MAL2: variants seen among roughly 807,000 people sequenced by gnomAD.
MAL2 encodes protein MAL2.
A neutral mutation model predicts 18.1 loss-of-function variants in MAL2; 17 were observed. That is an observed-to-expected ratio of 0.94 (90% CI 0.64 to 1.41). The LOEUF (loss-of-function observed/expected upper bound fraction) is 1.41. Among genes scored for constraint, MAL2 ranks in the 40% most tolerant of loss-of-function variants. The pLI is 0.00. For synonymous variants in MAL2, 102 were observed against 102.3 expected (o/e 1.00, Z 0.02); for missense variants, 222 against 231.9 (o/e 0.96, Z 0.28).
intron 2 of MAL2, among the ~76,000 whole-genome samples, chr8:119,239,240 A>T (rs1817991112): frequency 1.3e-5 from 2 of 152,212 alleles, no homozygotes; most frequent in African/African-American, 2.4e-5. Context: ...ATCTCATACC[A>T]GTTAGAATGG....
Position 119,243,719 on chromosome 8 carries a change from C to T in MAL2, c.*231C>T, listed in dbSNP as rs1195294065. On this transcript the variant is annotated 3_prime_UTR_variant, in exon 4 of 4. Transcript: ENST00000614891. ...CATCTCTCCCCTTTTTCCCTTTCCC[C>T]CTTTATTTTCCTCCTTTTCTTTCTG... is the stretch of plus-strand genomic sequence containing the variant. 2.8e-5 allele frequency: 10 copies of T among 363,150 alleles called. No homozygotes were observed. The highest frequency in any genetic ancestry group is 2.0e-5 in the Non-Finnish European group (4 of 203,846). 22.5% of individuals were successfully genotyped at this position (363,150 alleles called of 1,614,324 possible). A position where few individuals can be genotyped will look rare whatever the true frequency, so the allele number is the denominator to read the frequency against.
intron 1 of MAL2, among the ~76,000 whole-genome samples, chr8:119,212,661 C>T (rs1226540626): frequency 6.6e-6 from 1 of 152,126 alleles, no homozygotes; most frequent in Non-Finnish European, 1.5e-5. Context: ...GAACAGGCAG[C>T]TTTAATGAGG....
intron 2 of MAL2, among the ~76,000 whole-genome samples, chr8:119,235,160 A>G (rs1045603718): frequency 6.6e-6 from 1 of 152,228 alleles, no homozygotes; most frequent in African/African-American, 2.4e-5. Flanking sequence ...TATGTGAAGA[A>G]TGCAGAAGCC....
intron 2 of MAL2, among the ~76,000 whole-genome samples, chr8:119,239,468 C>T (rs1438669628): frequency 1.3e-5 from 2 of 152,016 alleles, no homozygotes; most frequent in Non-Finnish European, 1.5e-5. Context: ...GACACATGCA[C>T]ATGTATGTTT....
chr8:119,212,271 A>G (rs556758546), intron 1 of MAL2, among the ~76,000 whole-genome samples: 1 of 152,356 alleles, frequency 6.6e-6, no homozygotes, highest in African/African-American at 2.4e-5. Context: ...GAATACAGAT[A>G]ATCATTGAAT....
intron 2 of MAL2, among the ~76,000 whole-genome samples, chr8:119,236,306 G>A (rs1263271175): frequency 7.9e-5 from 11 of 139,526 alleles, no homozygotes; most frequent in African/African-American, 3.4e-4. Context: ...AGTCCTGAGT[G>A]ACCTACAAAG....
chr8:119,228,303 CT>C (rs1250119378), intron 2 of MAL2, among the ~76,000 whole-genome samples: 1 of 152,064 alleles, frequency 6.6e-6, no homozygotes, highest in Non-Finnish European at 1.5e-5. Context: ...GTCCTTGTCC[CT>C]TTGGGGACAA....
chr8:119,235,795 A>G (rs1192305965), intron 2 of MAL2, among the ~76,000 whole-genome samples: 6 of 145,734 alleles, frequency 4.1e-5, no homozygotes, highest in Admixed American at 6.8e-5. Flanking sequence ...TGAAGGAAGC[A>G]CTAAACATGG....
intron 2 of MAL2, among the ~76,000 whole-genome samples, chr8:119,230,100 CTACCAGGTCTAG>C (rs1817685414): frequency 6.6e-6 from 1 of 152,218 alleles, no homozygotes; most frequent in Non-Finnish European, 1.5e-5. Flanking sequence ...TGTTTCTTCT[CTACCAGGTCTAG>C]TACCAGGAGC....
At chr8:119,241,093 A>G (rs180882838) in intron 3 of MAL2, among the ~76,000 whole-genome samples, 14 of 152,328 alleles carry the variant, frequency 9.2e-5, no homozygotes, top group African/African-American at 2.2e-4. Context: ...GGTAGCCTAT[A>G]AATAACCCAG....
intron 2 of MAL2, among the ~76,000 whole-genome samples, chr8:119,237,200 C>T (rs199818899): frequency 4.0e-5 from 6 of 150,340 alleles, no homozygotes; most frequent in Admixed American, 6.6e-5. Context: ...GAAATGGATA[C>T]ATTCCTCGAC....
intron 2 of MAL2, among the ~76,000 whole-genome samples, chr8:119,228,303 CTTTGGGGA>C (rs1195621456): frequency 2.6e-5 from 4 of 152,182 alleles, no homozygotes; most frequent in Admixed American, 2.0e-4. Flanking sequence ...GTCCTTGTCC[CTTTGGGGA>C]CAAGGACCCC....
intron 2 of MAL2, among the ~76,000 whole-genome samples, chr8:119,231,098 C>A (rs189567755): frequency 6.6e-6 from 1 of 152,204 alleles, no homozygotes; most frequent in Admixed American, 6.5e-5. Context: ...CTGATGCAGT[C>A]TTGGCTCACT....
chr8:119,208,797 A>T lies in MAL2; in HGVS notation c.132+193A>T. On this transcript the variant is annotated intron_variant, in intron 1 of 3. Coordinates refer to ENST00000614891, the MANE Select transcript of MAL2 (RefSeq NM_052886.3). This position sits in a 1 kb window ranked among gnomAD's most constrained non-coding sequence, Gnocchi z 4.3. ...CGGGCCCTCCCTCCTAGCACCTGTTACGCGGGCACCTGCTCCCCCGCGGGC... is the reference window on the plus strand; with the variant it reads ...CGGGCCCTCCCTCCTAGCACCTGTTTCGCGGGCACCTGCTCCCCCGCGGGC... The T allele has an allele frequency of 1.1e-6, 1 of 886,624 alleles. No homozygotes were observed. The highest frequency in any genetic ancestry group is 1.5e-6 in the Non-Finnish European group (1 of 680,220). 54.9% of individuals were successfully genotyped at this position (886,624 alleles called of 1,614,324 possible).
At chr8:119,220,811 C>CA (rs1190365406) in intron 1 of MAL2, among the ~76,000 whole-genome samples, 2 of 152,202 alleles carry the variant, frequency 1.3e-5, no homozygotes, top group Non-Finnish European at 2.9e-5. Context: ...TGTGGACCTG[C>CA]AGTGCCCAGT....
intron 1 of MAL2, among the ~76,000 whole-genome samples, chr8:119,218,868 A>G (rs1817408968): frequency 6.6e-6 from 1 of 152,214 alleles, no homozygotes; most frequent in African/African-American, 2.4e-5. Context: ...ATTTGCACAT[A>G]GGTTCTCAGG....
At chr8:119,235,350 A>G (rs1817858480) in intron 2 of MAL2, among the ~76,000 whole-genome samples, 1 of 152,180 alleles carries the variant, frequency 6.6e-6, no homozygotes. Flanking sequence ...TGATGGGGAG[A>G]ATGGAACCAA....
At chr8:119,210,737 T>TA (rs1187893270) in intron 1 of MAL2, among the ~76,000 whole-genome samples, 1 of 152,200 alleles carries the variant, frequency 6.6e-6, no homozygotes, top group East Asian at 1.9e-4. Flanking sequence ...TCTGGCTTCT[T>TA]ACATCCTGAA....
In MAL2 at chr8:119,243,994, A is replaced by G. The variant is rs997462786; in HGVS notation, c.*506A>G. On this transcript the variant is annotated 3_prime_UTR_variant, in exon 4 of 4. Transcript: ENST00000614891. ...CACGGTCCATACAGTCTCTGTCACA[A>G]CTATTCAGTTCTGCTAGTATAGCGT... The G allele has an allele frequency of 4.6e-5, 7 of 152,296 alleles. No individual in the cohort carries two copies. Among genetic ancestry groups the G allele is most frequent in the African/African-American group, 1.4e-4 (6 of 41,452 alleles). 9.4% of individuals were successfully genotyped at this position (152,296 alleles called of 1,614,324 possible).
Sources: allele counts gnomAD v4.1 joint callset (sites outside exome capture counted in the v4.1 genomes callset), GRCh38; gene constraint gnomAD v4.1.1; non-coding constraint Gnocchi (gnomAD v3.1); transcripts MANE v1.5; gene names NCBI Gene and HGNC (gene_info 2026-07-23, HGNC 2026-07-21).